Variants in USP35 observed in about 807,000 individuals in gnomAD.
The protein encoded by USP35 is ubiquitin specific peptidase 35.
USP35 carries 69 observed loss-of-function variants against 83.8 expected under a neutral mutation model. That is an observed-to-expected ratio of 0.82 (90% confidence interval 0.68 to 1.01). USP35 has a LOEUF of 1.01. USP35 is among the 50% of genes least tolerant of loss of function. The probability of loss-of-function intolerance (pLI) is 0.00; values close to 1 mark genes in which losing one functional copy is unlikely to be tolerated. For missense variants in USP35, 1,503 were observed against 1,362.5 expected (o/e 1.10, Z -1.62); for synonymous variants, 714 against 589.5 (o/e 1.21, Z -3.06).
At chr11:78,219,240 G>A (rs1864296734), downstream of USP35, 2 of 1,605,356 alleles carry the variant, frequency 1.2e-6, no homozygotes, top group South Asian at 1.1e-5. Flanking sequence ...CTCTGGAGAT[G>A]CTGCCTCCTG....
the USP35 span, among the ~76,000 whole-genome samples, chr11:78,236,501 T>G: frequency 0.019 from 2,882 of 152,290 alleles, 104 homozygotes; most frequent in African/African-American, 0.067. Context: ...TCCAGTACAA[T>G]GTTAAATAGA....
the USP35 span, chr11:78,224,972 A>T: frequency 1.6e-6 from 1 of 637,120 alleles, no homozygotes; most frequent in Non-Finnish European, 2.8e-6. Context: ...AGGGTTCTGA[A>T]CTGAGACAAG....
chr11:78,236,588 C>G, the USP35 span, among the ~76,000 whole-genome samples: 2 of 152,200 alleles, frequency 1.3e-5, no homozygotes, highest in Admixed American at 6.5e-5. Context: ...TAGGTATGAT[C>G]TTAGCTATAG....
chr11:78,203,182 A>G (rs965959609), intron 6 of USP35, among the ~76,000 whole-genome samples: 4 of 151,564 alleles, frequency 2.6e-5, no homozygotes, highest in Admixed American at 2.0e-4. Context: ...CTTCTCAAGG[A>G]CCCCGCCTTC....
intron 1 of USP35, among the ~76,000 whole-genome samples, chr11:78,195,714 A>G (rs781141275): frequency 6.6e-6 from 1 of 152,184 alleles, no homozygotes; most frequent in Non-Finnish European, 1.5e-5. Context: ...AAAGGCGCTT[A>G]GCAACCATAG....
At chr11:78,207,061 C>T (rs781065173) in intron 7 of USP35, among the ~76,000 whole-genome samples, 1 of 152,152 alleles carries the variant, frequency 6.6e-6, no homozygotes, top group Admixed American at 6.5e-5. Flanking sequence ...CTGTAGGAGT[C>T]GATTGGAGGG....
chr11:78,204,028 C>A (rs891301910), intron 6 of USP35, among the ~76,000 whole-genome samples: 2 of 148,698 alleles, frequency 1.3e-5, no homozygotes, highest in Non-Finnish European at 3.0e-5. Context: ...GTAGCTGGGA[C>A]TACAGGCGCC....
the USP35 span, chr11:78,225,226 A>C: frequency 4.0e-5 from 59 of 1,490,988 alleles, 1 homozygote; most frequent in African/African-American, 7.6e-4. Context: ...GAGGATTCAT[A>C]AGTACTCATG....
intron 10 of USP35, 38 bp downstream of exon 10, chr11:78,210,782 G>T: frequency 2.7e-6 from 4 of 1,500,072 alleles, no homozygotes; most frequent in East Asian, 2.3e-5. Context: ...TGATCTCTTG[G>T]TGGAGGGAGT....
At chr11:78,215,294 T>A (rs1174593040), downstream of USP35, 1 of 152,576 alleles carries the variant, frequency 6.6e-6, no homozygotes. Context: ...GGCAGCTGGT[T>A]CTGGGGTGCA....
intron 1 of USP35, among the ~76,000 whole-genome samples, chr11:78,194,027 C>T (rs563748215): frequency 3.0e-4 from 45 of 152,286 alleles, no homozygotes; most frequent in East Asian, 1.2e-3. Context: ...CCACCGCGCC[C>T]GGCCGCATCT....
At chr11:78,228,445 GTATACA>G in the USP35 span, among the ~76,000 whole-genome samples, 5 of 152,138 alleles carry the variant, frequency 3.3e-5, no homozygotes, top group Admixed American at 1.3e-4. Flanking sequence ...GGCAAATCTC[GTATACA>G]TATAAACTTG....
rs2134416206 is a variant in USP35 at position 78,210,418 on chromosome 11, G to A, written c.2563G>A (p.Gly855Arg). ...CCTCTGCAGTGTGGTGGTGCACTCT[G>A]GAGTGTCTTCGGAGAGTGGTCACTA... ...YDLCSVVVHSGVSSESGHYYC... is the reference protein window; with the variant it reads ...YDLCSVVVHSRVSSESGHYYC... Residue 855 changes from glycine (G) to arginine (R), a missense_variant, in exon 10 of 11, where the codon GGA becomes AGA. Transcript: ENST00000529308. 7 of 1,614,070 alleles carry A rather than the reference G, an allele frequency of 4.3e-6. No homozygotes were observed. The highest frequency in any genetic ancestry group is 5.9e-6 in the Non-Finnish European group (7 of 1,180,042).
rs1207170274 is a variant in USP35, at chr11:78,210,529, CTGTTCAATGACA to C, written c.2675_2686del (p.Leu892_Thr896delinsPro). On this transcript the variant is annotated inframe_deletion, in exon 10 of 11. Transcript: ENST00000529308. ...GCCAGAGCCCGAGAACCAGTGGTAC[CTGTTCAATGACA>C]CTCGGGTGTCCTTCTCTTCCTTCGA... The C allele has an allele frequency of 6.2e-7, 1 of 1,613,794 alleles. No homozygotes were observed. The highest frequency in any genetic ancestry group is 2.2e-5 in the East Asian group (1 of 44,868).
At chr11:78,200,884 C>A in intron 6 of USP35, 76 bp downstream of exon 6, 1 of 1,509,810 alleles carries the variant, frequency 6.6e-7, no homozygotes, top group Non-Finnish European at 8.9e-7. Flanking sequence ...GCGGGCCATA[C>A]CACAGCTTGG....
rs545325180 is a variant in USP35, at chr11:78,195,981, G to A, written c.-10-255G>A. The stretch of plus-strand genomic sequence containing the variant: ...GGGCTCAAGGGATCCTGCTGCCTGG[G>A]CCTCCCAAAGTGCTGGGATTACAGG... On this transcript the variant is annotated intron_variant, in intron 1 of 10. Transcript: ENST00000529308. 7.2e-5 allele frequency among the ~76,000 whole-genome samples: 11 copies of A among 152,310 alleles called. No homozygotes were observed. In the East Asian group the frequency reaches 1.9e-3, roughly 27 times the overall value.
chr11:78,222,871 G>A, the USP35 span, among the ~76,000 whole-genome samples: 1 of 152,208 alleles, frequency 6.6e-6, no homozygotes, highest in African/African-American at 2.4e-5. Context: ...GCGTACAGGC[G>A]TGAGCCATGG....
chr11:78,214,239 T>TAA lies in USP35; in HGVS notation c.*426_*427insAA, dbSNP rs1863965505. ...AGGATCCAAGCCTTGCACAAAGGGG[T>TAA]GGGGGGGGCAGTGTCTCCTCTGGCT... On this transcript the variant is annotated 3_prime_UTR_variant, in exon 11 of 11. Coordinates refer to ENST00000529308, the MANE Select transcript of USP35 (RefSeq NM_020798.4). 3.7e-5 allele frequency: 3 copies of TAA among 81,286 alleles called. No homozygotes were observed. Among genetic ancestry groups the TAA allele is most frequent in the African/African-American group, 1.7e-4 (3 of 17,868 alleles). 5.0% of individuals were successfully genotyped at this position (81,286 alleles called of 1,614,324 possible). A position where few individuals can be genotyped will look rare whatever the true frequency, so the allele number is the denominator to read the frequency against.
At chr11:78,226,910 C>T in the USP35 span, 24 of 1,613,860 alleles carry the variant, frequency 1.5e-5, no homozygotes, top group Middle Eastern at 1.6e-4. Context: ...TGTGCCGGCT[C>T]GGCTTGGGAA....
Sources: allele counts gnomAD v4.1 joint callset (sites outside exome capture counted in the v4.1 genomes callset), GRCh38; gene constraint gnomAD v4.1.1; transcripts MANE v1.5; gene names NCBI Gene and HGNC (gene_info 2026-07-23, HGNC 2026-07-21).